Variants in EXOC6B observed in about 807,000 individuals in gnomAD.
EXOC6B encodes the protein SEC15 homolog B.
A neutral mutation model predicts 113.5 loss-of-function variants in EXOC6B; 54 were observed. The ratio of observed to expected loss-of-function variants is 0.48; its 90% CI spans 0.38 to 0.60. EXOC6B has a LOEUF of 0.60. Among genes scored for constraint, EXOC6B ranks in the 20% least tolerant of loss-of-function variants. The pLI is 0.00. For missense variants in EXOC6B, 797 were observed against 977.5 expected, an observed-to-expected ratio of 0.82 and a Z score of 2.46; for synonymous variants, 357 against 339.0, an observed-to-expected ratio of 1.05 and a Z score of -0.58.
intron 21 of EXOC6B, among the ~76,000 whole-genome samples, chr2:72,183,488 C>T (rs751320278): frequency 6.6e-6 from 1 of 152,190 alleles, no homozygotes; most frequent in Non-Finnish European, 1.5e-5. Flanking sequence ...GGCAGGGAAC[C>T]CTCTGCAGGC....
intron 18 of EXOC6B, among the ~76,000 whole-genome samples, chr2:72,454,083 C>A (rs1213999256): frequency 6.6e-6 from 1 of 152,174 alleles, no homozygotes; most frequent in African/African-American, 2.4e-5. Flanking sequence ...CCTGGTCCCA[C>A]CCCTGACACG....
At chr2:72,701,211 T>C (rs999170839) in intron 6 of EXOC6B, among the ~76,000 whole-genome samples, 8 of 148,498 alleles carry the variant, frequency 5.4e-5, no homozygotes, top group African/African-American at 2.0e-4. Flanking sequence ...GGCATGGTTG[T>C]TGTGCCTGTA....
At chr2:72,492,986 TC>T (rs1019210766) in intron 15 of EXOC6B, among the ~76,000 whole-genome samples, 2 of 152,182 alleles carry the variant, frequency 1.3e-5, no homozygotes, top group African/African-American at 4.8e-5. Flanking sequence ...TATTTCCTCT[TC>T]CCAGTTATCT....
At chr2:72,706,450 A>G (rs1336874453) in intron 6 of EXOC6B, among the ~76,000 whole-genome samples, 1 of 152,192 alleles carries the variant, frequency 6.6e-6, no homozygotes, top group African/African-American at 2.4e-5. Context: ...AGCTTACTGC[A>G]GTCTCCATCT....
intron 19 of EXOC6B, among the ~76,000 whole-genome samples, chr2:72,347,986 T>C (rs1689431748): frequency 1.3e-5 from 2 of 152,212 alleles, no homozygotes; most frequent in African/African-American, 2.4e-5. Flanking sequence ...TATGGCTTCT[T>C]GTGTTAGTCT....
At chr2:72,447,593 C>T (rs932291595) in intron 18 of EXOC6B, among the ~76,000 whole-genome samples, 1 of 152,088 alleles carries the variant, frequency 6.6e-6, no homozygotes, top group African/African-American at 2.4e-5. Context: ...GACTAAAATA[C>T]AGCAGATACT....
intron 18 of EXOC6B, among the ~76,000 whole-genome samples, chr2:72,453,409 A>G (rs1421708173): frequency 6.6e-6 from 1 of 152,274 alleles, no homozygotes; most frequent in African/African-American, 2.4e-5. Context: ...TAAAATGCCA[A>G]CAACAATTTT....
At chr2:72,303,954 C>T (rs1474274567) in intron 20 of EXOC6B, among the ~76,000 whole-genome samples, 1 of 152,140 alleles carries the variant, frequency 6.6e-6, no homozygotes, top group Non-Finnish European at 1.5e-5. Context: ...ACATTCTGGC[C>T]ACTCTTCCGT....
intron 6 of EXOC6B, among the ~76,000 whole-genome samples, chr2:72,630,121 T>C (rs1384410419): frequency 6.6e-6 from 1 of 152,128 alleles, no homozygotes; most frequent in Non-Finnish European, 1.5e-5. Flanking sequence ...GAGGTAAACA[T>C]TCAGGACTGG....
intron 17 of EXOC6B, among the ~76,000 whole-genome samples, chr2:72,478,758 T>C (rs1468279779): frequency 1.3e-5 from 2 of 152,238 alleles, no homozygotes; most frequent in Non-Finnish European, 2.9e-5. Flanking sequence ...AAATTGAGAC[T>C]GGTTGAGAGA....
In EXOC6B at chr2:72,515,104, T is replaced by C; in HGVS notation, c.938A>G (p.Asn313Ser). 1 of 1,604,938 alleles carries C rather than the reference T, an allele frequency of 6.2e-7. No individual in the cohort carries two copies. Among genetic ancestry groups the C allele is most frequent in the Non-Finnish European group, 8.5e-7 (1 of 1,175,516 alleles). ...TTTTCGCCTCTGTTTTCGGTAGTAA[T>C]TCTCAAATGTTTCCCGGGCACCCTG... ...SVLGARETFE[N>S]YYRKQRRKQA... Residue 313 changes from asparagine (N) to serine (S), a missense_variant, in exon 9 of 22, where the codon AAT becomes AGT. Coordinates refer to ENST00000272427, the MANE Select transcript of EXOC6B (RefSeq NM_015189.3).
intron 6 of EXOC6B, among the ~76,000 whole-genome samples, chr2:72,702,978 T>C (rs1678548229): frequency 6.6e-6 from 1 of 151,856 alleles, no homozygotes; most frequent in Non-Finnish European, 1.5e-5. Context: ...TTTGGTGTTT[T>C]AGACATGAAG....
intron 19 of EXOC6B, among the ~76,000 whole-genome samples, chr2:72,350,858 A>C (rs1484170764): frequency 6.6e-6 from 1 of 152,222 alleles, no homozygotes; most frequent in Non-Finnish European, 1.5e-5. Context: ...TTTTTAAGGA[A>C]TATCTCAAGT....
chr2:72,465,717 T>G (rs1459922648), intron 17 of EXOC6B, among the ~76,000 whole-genome samples: 2 of 152,206 alleles, frequency 1.3e-5, no homozygotes, highest in Non-Finnish European at 2.9e-5. Context: ...CAACCAGTAT[T>G]CCAATGCTAA....
chr2:72,312,859 A>G (rs1482802709), intron 20 of EXOC6B, among the ~76,000 whole-genome samples: 1 of 151,810 alleles, frequency 6.6e-6, no homozygotes, highest in Non-Finnish European at 1.5e-5. Context: ...TAATTTTTTC[A>G]TTTTACATTG....
chr2:72,191,283 A>G (rs961598965), intron 20 of EXOC6B, among the ~76,000 whole-genome samples: 2 of 152,202 alleles, frequency 1.3e-5, no homozygotes, highest in African/African-American at 2.4e-5. Context: ...GCAAAGTTCT[A>G]AAGCTGCCTC....
chr2:72,683,195 T>C (rs775542832), intron 6 of EXOC6B, among the ~76,000 whole-genome samples: 19 of 152,322 alleles, frequency 1.2e-4, no homozygotes, highest in Middle Eastern at 6.8e-3. Flanking sequence ...CACTGGATTA[T>C]GAGTTCCTAG....
chr2:72,256,422 A>G (rs959647885), intron 20 of EXOC6B, among the ~76,000 whole-genome samples: 1 of 152,236 alleles, frequency 6.6e-6, no homozygotes, highest in Non-Finnish European at 1.5e-5. Context: ...TCATAGAAAA[A>G]GCATGAAATA....
At chr2:72,357,742 C>G (rs551956648) in intron 19 of EXOC6B, among the ~76,000 whole-genome samples, 4 of 151,998 alleles carry the variant, frequency 2.6e-5, no homozygotes, top group African/African-American at 9.6e-5. Context: ...CCTAGTGATG[C>G]TGTAGCCATT....
Sources: gnomAD v4.1 joint callset for allele counts (sites outside exome capture counted in the v4.1 genomes callset) on GRCh38, gnomAD v4.1.1 for gene constraint, MANE v1.5 for transcripts, NCBI Gene and HGNC (gene_info 2026-07-23, HGNC 2026-07-21) for gene names.